The following NLGN4X variants were observed in gnomAD, a reference collection of about 807,000 sequenced individuals.
NLGN4X encodes neuroligin-4, X-linked.
A neutral mutation model predicts 40.3 loss-of-function variants in NLGN4X; 3 were observed. The ratio of observed to expected loss-of-function variants is 0.07; its 90% confidence interval spans 0.03 to 0.19. The LOEUF (loss-of-function observed/expected upper bound fraction) is 0.19. NLGN4X is among the 10% of genes least tolerant of loss of function. NLGN4X has a pLI of 1.00. For synonymous variants in NLGN4X, 270 were observed against 306.8 expected (o/e 0.88, Z 1.25); for missense variants, 382 against 708.3 (o/e 0.54, Z 5.23).
chrX:6,064,804 C>A (rs2037865752), intron 2 of NLGN4X, among the ~76,000 whole-genome samples: 1 of 111,562 alleles, frequency 9.0e-6, no homozygotes, highest in African/African-American at 3.3e-5. Context: ...CAAACAGACA[C>A]ATGCACCTGC....
intron 3 of NLGN4X, among the ~76,000 whole-genome samples, chrX:5,916,655 G>A (rs1266019943): frequency 1.8e-5 from 2 of 110,761 alleles, no homozygotes; most frequent in African/African-American, 6.6e-5. Context: ...TTGCAATGTT[G>A]TCCAGGCTAG....
At chrX:5,927,328 A>G (rs1351460745) in intron 3 of NLGN4X, among the ~76,000 whole-genome samples, 1 of 112,091 alleles carries the variant, frequency 8.9e-6, no homozygotes, top group African/African-American at 3.2e-5. Context: ...CCCTACAGCC[A>G]ACGTTTGATC....
chrX:6,117,150 A>T (rs184073404), intron 2 of NLGN4X, among the ~76,000 whole-genome samples: 1 of 109,315 alleles, frequency 9.1e-6, no homozygotes, highest in East Asian at 2.9e-4. Context: ...TCCCAACCCT[A>T]CTCTTTCTCT....
intron 2 of NLGN4X, among the ~76,000 whole-genome samples, chrX:6,109,163 G>A (rs901866908): frequency 1.7e-4 from 19 of 110,843 alleles, no homozygotes; most frequent in Non-Finnish European, 3.2e-4. Context: ...CTACTCCAGA[G>A]GCTGAGGGTG....
At chrX:5,989,385 A>C (rs908838358) in intron 3 of NLGN4X, among the ~76,000 whole-genome samples, 4 of 112,312 alleles carry the variant, frequency 3.6e-5, no homozygotes, top group African/African-American at 1.3e-4. Context: ...ACTAATTTGA[A>C]TATAATAAAG....
chrX:5,976,030 G>A (rs1176922322), intron 3 of NLGN4X, among the ~76,000 whole-genome samples: 1 of 111,549 alleles, frequency 9.0e-6, no homozygotes, highest in African/African-American at 3.3e-5. Flanking sequence ...CAACTGAAAT[G>A]TTTCTTTTGG....
At chrX:6,032,849 A>G in intron 2 of NLGN4X, 1 of 444,205 alleles carries the variant, frequency 2.3e-6, no homozygotes, top group Non-Finnish European at 3.5e-6. Flanking sequence ...TACCCAGAAA[A>G]AGAAAAAAAG....
At chrX:6,134,267 C>G (rs12556649) in intron 2 of NLGN4X, among the ~76,000 whole-genome samples, 13,316 of 111,480 alleles carry the variant, frequency 0.12, 803 homozygotes, top group East Asian at 0.38. Context: ...CATTTGGTTT[C>G]TTTAACAAAA....
intron 1 of NLGN4X, among the ~76,000 whole-genome samples, chrX:6,201,016 G>T (rs942014399): frequency 9.0e-6 from 1 of 110,619 alleles, no homozygotes; most frequent in East Asian, 2.8e-4. Context: ...TATTTATTTT[G>T]CAAACATCCC....
chrX:6,224,307 A>G (rs1925961533), intron 1 of NLGN4X, among the ~76,000 whole-genome samples: 1 of 112,110 alleles, frequency 8.9e-6, no homozygotes, highest in African/African-American at 3.2e-5. Flanking sequence ...CGTGCACTTG[A>G]ATGTTTAGTT....
At chrX:6,146,696 C>CAAA (rs3072062) in intron 2 of NLGN4X, among the ~76,000 whole-genome samples, 44 of 97,131 alleles carry the variant, frequency 4.5e-4, no homozygotes, top group South Asian at 4.0e-3. Flanking sequence ...GTATTGCTAG[C>CAAA]AAAAAAAAAA....
intron 3 of NLGN4X, among the ~76,000 whole-genome samples, chrX:5,926,934 T>TTCTATCTATCTATCTATCTATCTA (rs3072082): frequency 5.2e-5 from 5 of 96,869 alleles, no homozygotes; most frequent in East Asian, 3.3e-4. Flanking sequence ...TCTCTATATC[T>TTCTATCTATCTATCTATCTATCTA]TCTATCTATC....
intron 2 of NLGN4X, among the ~76,000 whole-genome samples, chrX:6,065,316 AAG>A (rs1393714232): frequency 1.8e-5 from 2 of 110,132 alleles, no homozygotes; most frequent in Non-Finnish European, 3.8e-5. Context: ...AACAAACAGA[AAG>A]AGAGTACTGG....
intron 3 of NLGN4X, among the ~76,000 whole-genome samples, chrX:5,972,002 G>A (rs1017738300): frequency 1.8e-5 from 2 of 111,829 alleles, no homozygotes; most frequent in African/African-American, 6.5e-5. Flanking sequence ...TGTGCTGCGA[G>A]AGCAACTTTT....
At chrX:6,049,356 G>C (rs2037418570) in intron 2 of NLGN4X, among the ~76,000 whole-genome samples, 1 of 102,201 alleles carries the variant, frequency 9.8e-6, no homozygotes, top group Admixed American at 1.1e-4. Flanking sequence ...TGTATGGACT[G>C]TGCCCTCCCT....
At chrX:6,096,746 T>G (rs1396975692) in intron 2 of NLGN4X, among the ~76,000 whole-genome samples, 1 of 111,823 alleles carries the variant, frequency 8.9e-6, no homozygotes, top group Non-Finnish European at 1.9e-5. Context: ...AGCACACACA[T>G]ACGAACATGA....
At chrX:5,931,413 A>G (rs772762844) in intron 3 of NLGN4X, among the ~76,000 whole-genome samples, 12 of 112,035 alleles carry the variant, frequency 1.1e-4, no homozygotes, top group African/African-American at 3.9e-4. Flanking sequence ...AAGTAATGAA[A>G]TAAGTATATA....
chrX:5,934,511 G>C (rs988455148), intron 3 of NLGN4X, among the ~76,000 whole-genome samples: 8 of 111,555 alleles, frequency 7.2e-5, no homozygotes, highest in Non-Finnish European at 1.3e-4. Context: ...TCAGAAGTTA[G>C]TGCAAATAAT....
chrX:5,964,910 G>A (rs1465033872), intron 3 of NLGN4X, among the ~76,000 whole-genome samples: 4 of 112,273 alleles, frequency 3.6e-5, no homozygotes, highest in Non-Finnish European at 7.5e-5. Flanking sequence ...AAAAAGAAGA[G>A]AACCTCTTCT....
Sources: gnomAD v4.1 joint callset for allele counts (sites outside exome capture counted in the v4.1 genomes callset) on GRCh38, gnomAD v4.1.1 for gene constraint, MANE v1.5 for transcripts, NCBI Gene and HGNC (gene_info 2026-07-23, HGNC 2026-07-21) for gene names.